Variants in NXN observed in about 807,000 individuals in gnomAD.
The protein encoded by NXN is nucleoredoxin.
In NXN, 16 loss-of-function variants were observed where a neutral mutation model predicts 48.6. The ratio of observed to expected loss-of-function variants is 0.33; its 90% CI spans 0.22 to 0.50. The LOEUF is 0.50. Among genes scored for constraint, NXN ranks in the 20% least tolerant of loss-of-function variants. The pLI is 0.98. For missense variants in NXN, 492 were observed against 605.5 expected (o/e 0.81, Z 1.97); for synonymous variants, 281 against 269.6 (o/e 1.04, Z -0.41).
intron 5 of NXN, among the ~76,000 whole-genome samples, chr17:814,594 C>T (rs780354363): frequency 2.0e-5 from 3 of 152,208 alleles, no homozygotes; most frequent in Non-Finnish European, 4.4e-5. Context: ...TTCGTGAAGA[C>T]GTCATCACAC....
chr17:856,572 C>T (rs185731436), intron 1 of NXN, among the ~76,000 whole-genome samples: 3 of 150,798 alleles, frequency 2.0e-5, no homozygotes, highest in African/African-American at 7.3e-5. Flanking sequence ...CTCACCGCAA[C>T]CTCCGCCTCC....
intron 5 of NXN, among the ~76,000 whole-genome samples, chr17:811,464 C>G: frequency 6.6e-6 from 1 of 151,914 alleles, no homozygotes; most frequent in East Asian, 1.9e-4. Context: ...ATTTTCAGCA[C>G]TGCACACGGC....
At chr17:933,688 A>T (rs2068877203) in intron 1 of NXN, among the ~76,000 whole-genome samples, 1 of 152,090 alleles carries the variant, frequency 6.6e-6, no homozygotes, top group South Asian at 2.1e-4. Flanking sequence ...AAAACAATGC[A>T]ATAAGAACAC....
intron 1 of NXN, among the ~76,000 whole-genome samples, chr17:868,743 C>T (rs189825254): frequency 2.6e-5 from 4 of 152,188 alleles, no homozygotes; most frequent in African/African-American, 9.7e-5. Flanking sequence ...CCGCCCGCCT[C>T]GGCCTCCCAA....
At chr17:976,028 A>C in intron 1 of NXN, among the ~76,000 whole-genome samples, 1 of 152,228 alleles carries the variant, frequency 6.6e-6, no homozygotes, top group African/African-American at 2.4e-5. Context: ...CCATCTAATT[A>C]CAATTTATGC....
At chr17:909,345 A>G (rs1470886272) in intron 1 of NXN, among the ~76,000 whole-genome samples, 1 of 152,138 alleles carries the variant, frequency 6.6e-6, no homozygotes, top group Admixed American at 6.6e-5. Flanking sequence ...TTTTATATTT[A>G]TTCTTCTGTG....
rs1357801196 is a variant in NXN at position 825,111 on chromosome 17, G to C, written c.478+850C>G. Among the ~76,000 whole-genome samples the C allele has an allele frequency of 6.6e-6, 1 of 151,804 alleles. No homozygotes were observed. Among genetic ancestry groups the C allele is most frequent in the Non-Finnish European group, 1.5e-5 (1 of 67,978 alleles). On this transcript the variant is annotated intron_variant, in intron 2 of 7. Transcript: ENST00000336868. This position sits in a 1 kb window ranked among gnomAD's most constrained non-coding sequence, Gnocchi z 4.1. ...CTGGGTGTGGCGGTGCACGCCAGTA[G>C]TCCCAGCTACACGGGAGGATGAGTT... is the stretch of plus-strand genomic sequence containing the variant.
Position 879,126 on chromosome 17 carries a change from T to C in NXN, c.361-53048A>G, listed in dbSNP as rs549684417. Among the ~76,000 whole-genome samples the C allele has an allele frequency of 5.3e-5, 8 of 151,462 alleles. No homozygotes were observed. The East Asian group carries it at 5.9e-4, about 11-fold the overall frequency. The stretch of plus-strand genomic sequence containing the variant: ...GTTTTAGTGAGCCAAGATCGCGCCA[T>C]TGCACTCCAGCCTGGGCAACAAGAG... On this transcript the variant is annotated intron_variant, in intron 1 of 7. Coordinates refer to ENST00000336868, the MANE Select transcript of NXN (RefSeq NM_022463.5).
At chr17:835,143 C>T (rs892288131) in intron 1 of NXN, among the ~76,000 whole-genome samples, 1 of 151,336 alleles carries the variant, frequency 6.6e-6, no homozygotes, top group African/African-American at 2.4e-5. Context: ...CCTGTCTCTA[C>T]TAAAAATACA....
intron 1 of NXN, 55 bp from the exon 2 acceptor site, chr17:826,133 A>C: frequency 8.8e-7 from 1 of 1,139,668 alleles, no homozygotes; most frequent in South Asian, 1.2e-5. Context: ...TTCATTGCAG[A>C]GTTCTTTTGA....
At chr17:810,303 C>CTGTGAGTGGCGTGCACGTTACGAGTGCA (rs1567810901) in intron 5 of NXN, among the ~76,000 whole-genome samples, 22 of 95,424 alleles carry the variant, frequency 2.3e-4, no homozygotes, top group African/African-American at 7.3e-4. Context: ...CGTTACGAGT[C>CTGTGAGTGGCGTGCACGTTACGAGTGCA]TGTGAGTGGT....
intron 1 of NXN, among the ~76,000 whole-genome samples, chr17:941,037 G>A (rs2068968264): frequency 7.0e-6 from 1 of 143,314 alleles, no homozygotes; most frequent in South Asian, 2.3e-4. Flanking sequence ...ATTCCAGGGT[G>A]CAGCCATGAA....
At chr17:863,653 G>A (rs2068064374) in intron 1 of NXN, among the ~76,000 whole-genome samples, 1 of 151,984 alleles carries the variant, frequency 6.6e-6, no homozygotes, top group African/African-American at 2.4e-5. Flanking sequence ...GTAGAGATGG[G>A]GGTCTCTCTA....
intron 1 of NXN, among the ~76,000 whole-genome samples, chr17:879,192 G>A (rs1315784970): frequency 2.0e-5 from 3 of 152,048 alleles, no homozygotes; most frequent in African/African-American, 7.2e-5. Flanking sequence ...AGACAGAGAG[G>A]GAAGGAGAAG....
intron 1 of NXN, among the ~76,000 whole-genome samples, chr17:836,434 C>T (rs1352867111): frequency 6.6e-6 from 1 of 152,208 alleles, no homozygotes; most frequent in East Asian, 1.9e-4. Context: ...TCAAAACCAT[C>T]CTTTCTGTGA....
rs2069516563 is a variant in NXN, at chr17:979,729, G to C, written c.-51C>G. On this transcript the variant is annotated 5_prime_UTR_variant, in exon 1 of 8. Transcript: ENST00000336868. ...CGGCTGCGACCCCGCTCCACGGTCC[G>C]CGCGGCGGGAGGAGGCGGCGGCGTC... The C allele has an allele frequency of 2.4e-6, 3 of 1,273,910 alleles. No homozygotes were observed. In the South Asian group the frequency reaches 6.5e-5, roughly 28 times the overall value. The allele number at this position is 1,273,910 out of a possible 1,614,324, so 78.9% of individuals were successfully genotyped here. A position where few individuals can be genotyped will look rare whatever the true frequency, so the allele number is the denominator to read the frequency against.
intron 5 of NXN, among the ~76,000 whole-genome samples, chr17:817,158 C>T (rs1912511759): frequency 6.6e-6 from 1 of 152,140 alleles, no homozygotes; most frequent in Non-Finnish European, 1.5e-5. Flanking sequence ...GGTCCATGGG[C>T]TGGCAACATC....
chr17:843,002 AAGAGAG>A (rs796094572), intron 1 of NXN, among the ~76,000 whole-genome samples: 1 of 100,178 alleles, frequency 1.0e-5, no homozygotes, highest in African/African-American at 3.9e-5. Context: ...GAAAGAGAGA[AAGAGAG>A]AAAGAAAGAA....
chr17:844,286 G>C (rs193289833), intron 1 of NXN, among the ~76,000 whole-genome samples: 1 of 144,544 alleles, frequency 6.9e-6, no homozygotes. Context: ...GGAAGGTGGC[G>C]GCCAGGCCAT....
Sources: gnomAD v4.1 joint callset for allele counts (sites outside exome capture counted in the v4.1 genomes callset) on GRCh38, gnomAD v4.1.1 for gene constraint, Gnocchi (gnomAD v3.1) non-coding constraint, MANE v1.5 for transcripts, NCBI Gene and HGNC (gene_info 2026-07-23, HGNC 2026-07-21) for gene names.